The following ITGA4 variants were observed in gnomAD, a reference collection of about 807,000 sequenced individuals.
ITGA4 encodes integrin alpha-4.
ITGA4 carries 63 observed loss-of-function variants against 133.6 expected under a neutral mutation model. The observed-to-expected ratio is 0.47, with a 90% confidence interval of 0.38 to 0.58. The LOEUF (loss-of-function observed/expected upper bound fraction) is 0.58. Among genes scored for constraint, ITGA4 ranks in the 20% least tolerant of loss-of-function variants. The pLI is 0.00. For synonymous variants in ITGA4, 483 were observed against 438.0 expected, an observed-to-expected ratio of 1.10 and a Z score of -1.28; for missense variants, 1,076 against 1,252.7, an observed-to-expected ratio of 0.86 and a Z score of 2.13.
chr2:181,528,548 C>T (rs886895654), intron 22 of ITGA4, among the ~76,000 whole-genome samples: 27 of 152,168 alleles, frequency 1.8e-4, no homozygotes, highest in African/African-American at 6.3e-4. Context: ...GTTAGGCAAA[C>T]AGATGTTTGT....
chr2:181,500,654 G>A (rs1262089261), intron 15 of ITGA4, among the ~76,000 whole-genome samples: 7 of 152,038 alleles, frequency 4.6e-5, no homozygotes, highest in Non-Finnish European at 7.4e-5. Flanking sequence ...TGTTAATTAT[G>A]TACTGGGGCC....
intron 10 of ITGA4, among the ~76,000 whole-genome samples, chr2:181,487,038 C>T (rs1685937891): frequency 6.6e-6 from 1 of 152,130 alleles, no homozygotes; most frequent in African/African-American, 2.4e-5. Flanking sequence ...TTCCAGTGAA[C>T]CTTCTTAAAC....
chr2:181,478,982 A>G (rs1559041547), intron 5 of ITGA4, 158 bp downstream of exon 5: 3 of 414,104 alleles, frequency 7.2e-6, no homozygotes, highest in South Asian at 1.8e-4. Context: ...GCCACTCAAA[A>G]TTCCACATAT....
chr2:181,460,433 A>G (rs1009482056), intron 2 of ITGA4, among the ~76,000 whole-genome samples: 2 of 152,222 alleles, frequency 1.3e-5, no homozygotes, highest in African/African-American at 4.8e-5. Flanking sequence ...TACAGTCTAG[A>G]AATAAAACAC....
At position 181,524,175 on chromosome 2, in the gene ITGA4, A is replaced by G; in HGVS notation, c.2174A>G (p.Asp725Gly). Reference sequence around the variant, plus strand: ...TTCCTGGTCTGTGTTTTACAGATAGATATTAGCTTTCTCCTGGATGTGAGC... The same window carrying G: ...TTCCTGGTCTGTGTTTTACAGATAGGTATTAGCTTTCTCCTGGATGTGAGC... ...YIYVDHLSRI[D>G]ISFLLDVSSL... The change falls in exon 20 of 28, where the codon GAT becomes GGT. Residue 725 changes from aspartate to glycine, a missense_variant. Transcript: ENST00000397033. 6.3e-7 allele frequency: 1 copy of G among 1,598,928 alleles called. No homozygotes were observed. Among genetic ancestry groups the G allele is most frequent in the South Asian group, 1.1e-5 (1 of 88,706 alleles).
chr2:181,504,424 ATTT>A (rs1384854155), intron 15 of ITGA4, among the ~76,000 whole-genome samples: 4 of 151,846 alleles, frequency 2.6e-5, no homozygotes, highest in Admixed American at 1.3e-4. Flanking sequence ...TTTTTTTGTA[ATTT>A]TTTATTTCAT....
chr2:181,493,644 T>A (rs932341711), intron 11 of ITGA4, among the ~76,000 whole-genome samples: 73 of 152,364 alleles, frequency 4.8e-4, no homozygotes, highest in African/African-American at 1.7e-3. Context: ...CACCCTAGCT[T>A]GTCTATAGCC....
At chr2:181,504,838 T>C (rs2105752271) in intron 15 of ITGA4, among the ~76,000 whole-genome samples, 1 of 152,044 alleles carries the variant, frequency 6.6e-6, no homozygotes, top group East Asian at 1.9e-4. Flanking sequence ...TTAGGGCATT[T>C]GTCTTAGGGG....
At position 181,536,592 on chromosome 2, in the gene ITGA4, A is replaced by ATAAATT. The variant is rs1559061637; in HGVS notation, c.*1072_*1077dup. 2 of 157,002 alleles carry ATAAATT rather than the reference A, an allele frequency of 1.3e-5. No homozygotes were observed. Among genetic ancestry groups the ATAAATT allele is most frequent in the Non-Finnish European group, 2.6e-5 (2 of 75,728 alleles). 9.7% of individuals were successfully genotyped at this position (157,002 alleles called of 1,614,324 possible). A position where few individuals can be genotyped will look rare whatever the true frequency, so the allele number is the denominator to read the frequency against. On this transcript the variant is annotated 3_prime_UTR_variant, in exon 28 of 28. Coordinates refer to ENST00000397033, the MANE Select transcript of ITGA4 (RefSeq NM_000885.6). Reference sequence around the variant, plus strand: ...ACATGGAAACGAAGAAACAAAATTCATAAATTTAAATTCATAAATTTAGCT... The same window carrying ATAAATT: ...ACATGGAAACGAAGAAACAAAATTCATAAATTTAAATTTAAATTCATAAATTTAGCT...
chr2:181,463,207 T>C (rs1417652395), intron 2 of ITGA4, among the ~76,000 whole-genome samples: 1 of 152,158 alleles, frequency 6.6e-6, no homozygotes, highest in Non-Finnish European at 1.5e-5. Context: ...AAAAATTGTG[T>C]ACAGTTGCAC....
Position 181,495,845 on chromosome 2 carries a change from A to G in ITGA4, c.1448A>G (p.Lys483Arg). ...CACCCTGAGTCAGTAAATAGAACGA[A>G]ATTTGACTGTGTTGAAAATGGATGG... ...LSHPESVNRT[K>R]FDCVENGWPS... The change falls in exon 14 of 28, where the codon AAA becomes AGA. Residue 483 changes from lysine (K) to arginine (R), a missense_variant. Physicochemically the swap from Lys to Arg is conservative, Grantham distance 26 (BLOSUM62 2). Coordinates refer to ENST00000397033, the MANE Select transcript of ITGA4 (RefSeq NM_000885.6). This position sits in a 1 kb window ranked among gnomAD's most constrained non-coding sequence, Gnocchi z 4.3. 6.2e-7 allele frequency: 1 copy of G among 1,613,940 alleles called. No individual in the cohort carries two copies. The highest frequency in any genetic ancestry group is 8.5e-7 in the Non-Finnish European group (1 of 1,179,832).
In ITGA4 at chr2:181,495,186, T is replaced by C. The variant is rs1686132852; in HGVS notation, c.1340-185T>C. On this transcript the variant is annotated intron_variant, in intron 12 of 27. Transcript: ENST00000397033. This position sits in a 1 kb window ranked among gnomAD's most constrained non-coding sequence, Gnocchi z 4.3. The stretch of plus-strand genomic sequence containing the variant: ...TTATGATATATCATAATGGGATGAA[T>C]GTTGTACATGAATAGATTCAGAGAA... Among the ~76,000 whole-genome samples, 2 of 152,248 alleles carry C rather than the reference T, an allele frequency of 1.3e-5. No homozygotes were observed. The highest frequency in any genetic ancestry group is 6.5e-5 in the Admixed American group (1 of 15,288).
chr2:181,515,492 G>A (rs773530486), intron 17 of ITGA4, among the ~76,000 whole-genome samples: 1 of 151,950 alleles, frequency 6.6e-6, no homozygotes, highest in Non-Finnish European at 1.5e-5. Flanking sequence ...ACATAATTCT[G>A]CATATAAGCT....
intron 2 of ITGA4, among the ~76,000 whole-genome samples, chr2:181,465,182 G>C (rs1159677077): frequency 6.6e-6 from 1 of 152,010 alleles, no homozygotes; most frequent in African/African-American, 2.4e-5. Context: ...TTTTCTTGCG[G>C]AAGTTTTCTA....
chr2:181,458,457 T>C, intron 2 of ITGA4, 140 bp downstream of exon 2: 1 of 874,494 alleles, frequency 1.1e-6, no homozygotes, highest in Non-Finnish European at 1.8e-6. Flanking sequence ...CAACTCCATC[T>C]CATCTTGCCT....
In ITGA4 at chr2:181,460,577, G is replaced by A. The variant is rs564138547; in HGVS notation, c.319+2260G>A. ...ATCTTCTGTAGAAGAGTGTGTGTGTGTGTGTGTGTGTGTGTGTGTGTGTGT... is the reference window on the plus strand; with the variant it reads ...ATCTTCTGTAGAAGAGTGTGTGTGTATGTGTGTGTGTGTGTGTGTGTGTGT... On this transcript the variant is annotated intron_variant, in intron 2 of 27. Coordinates refer to ENST00000397033, the MANE Select transcript of ITGA4 (RefSeq NM_000885.6). Among the ~76,000 whole-genome samples the A allele has an allele frequency of 4.1e-4, 60 of 144,694 alleles. No homozygotes were observed. The East Asian group carries it at 5.4e-3, about 13-fold the overall frequency. 94.9% of individuals were successfully genotyped at this position (144,694 alleles called of 152,430 possible).
chr2:181,498,933 A>G (rs1686213593), intron 15 of ITGA4, 156 bp downstream of exon 15: 11 of 958,542 alleles, frequency 1.1e-5, no homozygotes, highest in Non-Finnish European at 1.4e-5. Context: ...GTATGAGACA[A>G]TCTCAACCCA....
chr2:181,522,512 T>C (rs1686742000), intron 18 of ITGA4, among the ~76,000 whole-genome samples, 171 bp downstream of exon 18: 1 of 152,146 alleles, frequency 6.6e-6, no homozygotes, highest in Admixed American at 6.6e-5. Context: ...AGTTCTTGGG[T>C]CTTAAGTCCA....
chr2:181,470,442 A>T (rs1256518515), intron 2 of ITGA4, among the ~76,000 whole-genome samples: 1 of 152,160 alleles, frequency 6.6e-6, no homozygotes, highest in Non-Finnish European at 1.5e-5. Flanking sequence ...ACCATATGCT[A>T]CAACTACCTG....
Sources: gnomAD v4.1 joint callset for allele counts (sites outside exome capture counted in the v4.1 genomes callset) on GRCh38, gnomAD v4.1.1 for gene constraint, Gnocchi (gnomAD v3.1) non-coding constraint, MANE v1.5 for transcripts, NCBI Gene and HGNC (gene_info 2026-07-23, HGNC 2026-07-21) for gene names.